Variants in GPATCH8 observed in about 807,000 individuals in gnomAD.
GPATCH8 encodes G patch domain-containing protein 8.
GPATCH8 carries 18 observed loss-of-function variants against 118.3 expected under a neutral mutation model. The ratio of observed to expected loss-of-function variants is 0.15; its 90% CI spans 0.11 to 0.23. GPATCH8 has a LOEUF of 0.23. Ranked by LOEUF, GPATCH8 falls within the 10% of genes least tolerant of loss-of-function variation. The pLI is 1.00. For missense variants in GPATCH8, 1,631 were observed against 1,873.8 expected, an observed-to-expected ratio of 0.87 and a Z score of 2.39; for synonymous variants, 659 against 684.7, an observed-to-expected ratio of 0.96 and a Z score of 0.59.
rs144268740 is a variant in GPATCH8 at position 44,409,755 on chromosome 17, A to T, written c.493-3704T>A. ...AAGATTAAATGTCAAAATAAATGTA[A>T]AGCATTTAATAAGTCACAACTGTTC... On this transcript the variant is annotated intron_variant, in intron 6 of 7. Transcript: ENST00000591680. 1.3e-4 allele frequency among the ~76,000 whole-genome samples: 20 copies of T among 152,254 alleles called. No homozygotes were observed. The East Asian group carries it at 3.5e-3, about 26-fold the overall frequency.
chr17:44,420,922 C>T (rs1304269712), intron 6 of GPATCH8, among the ~76,000 whole-genome samples: 1 of 151,932 alleles, frequency 6.6e-6, no homozygotes, highest in Non-Finnish European at 1.5e-5. Context: ...TGCAGTGGTG[C>T]CATCTTGGCT....
intron 6 of GPATCH8, among the ~76,000 whole-genome samples, chr17:44,409,846 A>G (rs745866156): frequency 1.3e-5 from 2 of 152,250 alleles, no homozygotes; most frequent in Non-Finnish European, 2.9e-5. Context: ...CCCGCAGTGC[A>G]CAAAACACTA....
At chr17:44,463,724 GAACA>G (rs2051651752) in intron 3 of GPATCH8, among the ~76,000 whole-genome samples, 1 of 152,212 alleles carries the variant, frequency 6.6e-6, no homozygotes, top group African/African-American at 2.4e-5. Context: ...CATCTGCAAA[GAACA>G]AACAGTAGCT....
intron 1 of GPATCH8, among the ~76,000 whole-genome samples, chr17:44,488,492 CCA>C (rs1421957035): frequency 3.3e-5 from 5 of 151,868 alleles, no homozygotes; most frequent in African/African-American, 1.2e-4. Context: ...CCTCAGCCTC[CCA>C]AGTAGCCTGG....
intron 1 of GPATCH8, among the ~76,000 whole-genome samples, chr17:44,501,054 A>T (rs1970023714): frequency 6.6e-6 from 1 of 152,226 alleles, no homozygotes; most frequent in Admixed American, 6.5e-5. Flanking sequence ...TTAACATCTT[A>T]CAACTGTCTA....
At chr17:44,402,509 C>G (rs1050158396) in intron 7 of GPATCH8, among the ~76,000 whole-genome samples, 70 of 151,864 alleles carry the variant, frequency 4.6e-4, no homozygotes, top group African/African-American at 1.7e-3. Flanking sequence ...CTTGCTGGGT[C>G]AGGGTGGCTC....
intron 1 of GPATCH8, among the ~76,000 whole-genome samples, chr17:44,483,144 G>A: frequency 3.2e-5 from 1 of 31,016 alleles, no homozygotes; most frequent in African/African-American, 1.2e-4. Context: ...GAAAGAGTGA[G>A]ACTCCGTCTC....
chr17:44,451,345 G>A (rs2051105131), intron 3 of GPATCH8, among the ~76,000 whole-genome samples: 2 of 151,990 alleles, frequency 1.3e-5, no homozygotes, highest in South Asian at 2.1e-4. Flanking sequence ...CACCTGCCTC[G>A]TCCTCCCATA....
At chr17:44,432,128 A>T (rs935317236) in intron 5 of GPATCH8, among the ~76,000 whole-genome samples, 2 of 151,956 alleles carry the variant, frequency 1.3e-5, no homozygotes, top group Non-Finnish European at 2.9e-5. Context: ...GGAAAAGAAC[A>T]AATAAAGAGA....
intron 6 of GPATCH8, among the ~76,000 whole-genome samples, chr17:44,418,913 G>C (rs1202800414): frequency 6.6e-6 from 1 of 152,216 alleles, no homozygotes; most frequent in African/African-American, 2.4e-5. Flanking sequence ...CTACTGAAAA[G>C]AGCCAAAATA....
At chr17:44,495,627 T>C (rs1258558309) in intron 1 of GPATCH8, among the ~76,000 whole-genome samples, 3 of 152,228 alleles carry the variant, frequency 2.0e-5, no homozygotes, top group East Asian at 1.9e-4. Flanking sequence ...CACTGTTTTA[T>C]TTAATTAAGT....
intron 6 of GPATCH8, among the ~76,000 whole-genome samples, chr17:44,414,113 A>G (rs1435908952): frequency 1.2e-5 from 1 of 83,316 alleles, no homozygotes; most frequent in Non-Finnish European, 2.6e-5. Context: ...GTGTATATAT[A>G]TATGTATATA....
At chr17:44,488,614 G>T (rs1598626694) in intron 1 of GPATCH8, among the ~76,000 whole-genome samples, 1 of 146,720 alleles carries the variant, frequency 6.8e-6, no homozygotes, top group Non-Finnish European at 1.5e-5. Context: ...CAGGTGATCT[G>T]CCTGCCTCGG....
chr17:44,437,115 G>A (rs1461122042), intron 3 of GPATCH8, among the ~76,000 whole-genome samples: 1 of 151,962 alleles, frequency 6.6e-6, no homozygotes, highest in Non-Finnish European at 1.5e-5. Context: ...AATTTAATGG[G>A]GCTGTGAAAA....
chr17:44,410,180 T>G (rs897738533), intron 6 of GPATCH8, among the ~76,000 whole-genome samples: 2 of 152,208 alleles, frequency 1.3e-5, no homozygotes, highest in Non-Finnish European at 2.9e-5. Context: ...TTGCCTATTT[T>G]ATTCCAAAAG....
chr17:44,483,177 ATATATATATATATATAT>A lies in GPATCH8; in HGVS notation c.46-8291_46-8275del, dbSNP rs1354683702. Reference sequence around the variant, plus strand: ...CTCAAAAAAAAAAAAAAAAAAAAAAATATATATATATATATATATATATATATATATATATATATACA... The same window carrying A: ...CTCAAAAAAAAAAAAAAAAAAAAAAAATATATATATATATATATATATACA... On this transcript the variant is annotated intron_variant, in intron 1 of 7. Transcript: ENST00000591680. Among the ~76,000 whole-genome samples the A allele has an allele frequency of 3.3e-3, 23 of 6,968 alleles. 3 individuals are homozygous for A. The East Asian group carries it at 0.034, about 10-fold the overall frequency. 4.6% of individuals were successfully genotyped at this position (6,968 alleles called of 152,430 possible).
chr17:44,475,028 A>G, intron 1 of GPATCH8, 125 bp from the exon 2 acceptor site: 1 of 663,404 alleles, frequency 1.5e-6, no homozygotes, highest in Non-Finnish European at 2.7e-6. Context: ...GGACACTGCA[A>G]TCGTTCATTT....
At chr17:44,493,052 AG>A (rs1969386002) in intron 1 of GPATCH8, among the ~76,000 whole-genome samples, 1 of 72,982 alleles carries the variant, frequency 1.4e-5, no homozygotes, top group Non-Finnish European at 3.0e-5. Flanking sequence ...GTAAGCCATT[AG>A]GTTTTTTTTT....
intron 1 of GPATCH8, among the ~76,000 whole-genome samples, chr17:44,494,527 G>A (rs1401230140): frequency 1.3e-5 from 2 of 152,174 alleles, no homozygotes; most frequent in Non-Finnish European, 2.9e-5. Flanking sequence ...GCGAGGCAGA[G>A]GTTGCAGTGA....
Sources: gnomAD v4.1 joint callset for allele counts (sites outside exome capture counted in the v4.1 genomes callset) on GRCh38, gnomAD v4.1.1 for gene constraint, MANE v1.5 for transcripts, NCBI Gene and HGNC (gene_info 2026-07-23, HGNC 2026-07-21) for gene names.